TJP2: variants seen among roughly 807,000 people sequenced by gnomAD.
TJP2 encodes the protein tight junction protein 2.
TJP2 carries 91 observed loss-of-function variants against 133.1 expected under a neutral mutation model. That is an observed-to-expected ratio of 0.68 (90% CI 0.58 to 0.81). TJP2 has a LOEUF of 0.81. TJP2 is among the 40% of genes least tolerant of loss of function. TJP2 has a pLI of 0.00. For missense variants in TJP2, 1,541 were observed against 1,565.6 expected (o/e 0.98, Z 0.26); for synonymous variants, 592 against 583.4 (o/e 1.01, Z -0.21).
chr9:69,185,911 G>A (rs1305529641), intron 1 of TJP2, among the ~76,000 whole-genome samples: 4 of 146,926 alleles, frequency 2.7e-5, no homozygotes, highest in African/African-American at 7.6e-5. Context: ...TTTTGGAGAC[G>A]GAGTCTCGGT....
At chr9:69,188,424 AT>A (rs531838922) in intron 1 of TJP2, among the ~76,000 whole-genome samples, 39 of 152,310 alleles carry the variant, frequency 2.6e-4, no homozygotes, top group African/African-American at 8.7e-4. Context: ...GCCAAGGTCC[AT>A]TTGATGAATT....
chr9:69,152,811 G>A (rs1328896217), intron 2 of TJP2, among the ~76,000 whole-genome samples: 2 of 129,536 alleles, frequency 1.5e-5, no homozygotes, highest in Non-Finnish European at 3.3e-5. Context: ...TGTTCTCTCT[G>A]GAGCTCTTTT....
chr9:69,137,396 C>T (rs1793180993), intron 1 of TJP2, among the ~76,000 whole-genome samples: 1 of 147,416 alleles, frequency 6.8e-6, no homozygotes, highest in Non-Finnish European at 1.5e-5. Context: ...GTGGTGTGAT[C>T]ACAGCTCACT....
At chr9:69,143,634 G>C (rs989022951) in intron 1 of TJP2, among the ~76,000 whole-genome samples, 4 of 152,212 alleles carry the variant, frequency 2.6e-5, no homozygotes, top group African/African-American at 9.6e-5. Context: ...AAGACCAAAT[G>C]CTTTAGCCCT....
At chr9:69,214,981 C>A (rs1428263602) in intron 2 of TJP2, among the ~76,000 whole-genome samples, 1 of 152,060 alleles carries the variant, frequency 6.6e-6, no homozygotes, top group Non-Finnish European at 1.5e-5. Flanking sequence ...TAATTTTAGG[C>A]AGACATAAGA....
At chr9:69,221,615 G>A (rs894933764) in intron 5 of TJP2, 119 bp downstream of exon 5, 64 of 1,362,098 alleles carry the variant, frequency 4.7e-5, no homozygotes, top group Middle Eastern at 3.8e-4. Context: ...GGGAAGTGGC[G>A]TGATCTCGGC....
rs61050894 is a variant in TJP2, at chr9:69,157,411, A to T, written c.-10+5640A>T. ...GGTGGCTTAAACAGAAATTAACATA[A>T]ATTATTGTCTCATGGTTCTAGAGGC... On this transcript the variant is annotated intron_variant, in intron 2 of 5. Transcript: ENST00000423935. Among the ~76,000 whole-genome samples, 1,076 of 152,156 alleles carry T rather than the reference A, an allele frequency of 7.1e-3. 20 individuals carry two copies. Among genetic ancestry groups the T allele is most frequent in the African/African-American group, 0.025 (1,025 of 41,504 alleles).
At chr9:69,122,935 C>T (rs114863213) in intron 1 of TJP2, among the ~76,000 whole-genome samples, 1 of 152,160 alleles carries the variant, frequency 6.6e-6, no homozygotes, top group Non-Finnish European at 1.5e-5. Context: ...ATTCTAGTTG[C>T]TGATAGGGTG....
chr9:69,246,665 G>C, intron 17 of TJP2, 25 bp from the exon 18 acceptor site: 1 of 1,593,296 alleles, frequency 6.3e-7, no homozygotes, highest in African/African-American at 1.3e-5. Flanking sequence ...AATTAATGCA[G>C]ACCTTTTTGT....
rs1384514798 is a variant in TJP2 at position 69,248,199 on chromosome 9, C to G, written c.2855C>G (p.Ser952Cys). 1.9e-6 allele frequency: 3 copies of G among 1,608,310 alleles called. No homozygotes were observed. Among genetic ancestry groups the G allele is most frequent in the Non-Finnish European group, 2.5e-6 (3 of 1,177,008 alleles). Residue 952 changes from serine (S) to cysteine (C), a missense_variant, in exon 19 of 23, where the codon TCC (serine) becomes TGC (cysteine). Coordinates refer to ENST00000377245, the MANE Select transcript of TJP2 (RefSeq NM_004817.4). ...EEPLVSSITR[S>C]SEPVQHEESI... ...CCGCTGGTGTCGTCCATCACCCGCTCCTCGGAGCCGGTGCAGCACGAGGAG... is the reference window on the plus strand; with the variant it reads ...CCGCTGGTGTCGTCCATCACCCGCTGCTCGGAGCCGGTGCAGCACGAGGAG...
intron 1 of TJP2, among the ~76,000 whole-genome samples, chr9:69,183,853 G>A (rs1825676996): frequency 6.6e-6 from 1 of 152,160 alleles, no homozygotes; most frequent in African/African-American, 2.4e-5. Context: ...TCCTGCTTCA[G>A]CCTCCCAAGT....
chr9:69,147,686 A>AAT lies in TJP2; in HGVS notation c.-130-3963_-130-3962dup, dbSNP rs748725918. ...ACTAGCAATTGGAATAAGTACCCTA[A>AAT]ATAGACCTAAATAGATCTCTGCTTC... On this transcript the variant is annotated intron_variant, in intron 1 of 5. Transcript: ENST00000423935. Among the ~76,000 whole-genome samples, 28 of 152,294 alleles carry AAT rather than the reference A, an allele frequency of 1.8e-4. No individual in the cohort carries two copies. In the East Asian group the frequency reaches 2.5e-3, roughly 14 times the overall value.
At chr9:69,199,632 T>C (rs1227577605) in intron 1 of TJP2, among the ~76,000 whole-genome samples, 3 of 152,214 alleles carry the variant, frequency 2.0e-5, no homozygotes, top group African/African-American at 7.2e-5. Flanking sequence ...TCCCGAAGTT[T>C]CACATCTGCT....
chr9:69,240,200 T>C, intron 17 of TJP2, 53 bp downstream of exon 17: 1 of 1,477,198 alleles, frequency 6.8e-7, no homozygotes, highest in Non-Finnish European at 9.3e-7. Context: ...AATAAAGAAT[T>C]GAAGAGTAGA....
chr9:69,193,649 G>A (rs2133077171), intron 1 of TJP2, among the ~76,000 whole-genome samples: 1 of 129,268 alleles, frequency 7.7e-6, no homozygotes, highest in African/African-American at 2.9e-5. Context: ...TCTAAGTTTA[G>A]AAACAAGGCT....
chr9:69,187,280 G>T (rs940718391), intron 1 of TJP2, among the ~76,000 whole-genome samples: 7 of 152,248 alleles, frequency 4.6e-5, no homozygotes, highest in African/African-American at 1.7e-4. Flanking sequence ...AGTGTGATTG[G>T]ATGATTAAAT....
At position 69,240,871 on chromosome 9, in the gene TJP2, T is replaced by G. The variant is rs1341908578; in HGVS notation, c.2566+724T>G. On this transcript the variant is annotated intron_variant, in intron 17 of 22. Coordinates refer to ENST00000377245, the MANE Select transcript of TJP2 (RefSeq NM_004817.4). ...TTGGATGATTTAAAGATTTATTATT[T>G]CTCTTTGTTAGGTGTGATAATAATA... Among the ~76,000 whole-genome samples, 3 of 152,026 alleles carry G rather than the reference T, an allele frequency of 2.0e-5. No homozygotes were observed. In the South Asian group the frequency reaches 6.2e-4, roughly 32 times the overall value.
intron 19 of TJP2, 122 bp downstream of exon 19, chr9:69,248,346 C>G: frequency 6.9e-7 from 1 of 1,453,556 alleles, no homozygotes; most frequent in Non-Finnish European, 9.1e-7. Flanking sequence ...CAGATGACTT[C>G]CAGGGAGTCT....
chr9:69,127,704 A>C (rs1268378550), intron 1 of TJP2, among the ~76,000 whole-genome samples: 1 of 75,474 alleles, frequency 1.3e-5, no homozygotes. Context: ...AGATTAGCCT[A>C]TTCTGAACAT....
Sources: gnomAD v4.1 joint callset for allele counts (sites outside exome capture counted in the v4.1 genomes callset) on GRCh38, gnomAD v4.1.1 for gene constraint, MANE v1.5 for transcripts, NCBI Gene and HGNC (gene_info 2026-07-23, HGNC 2026-07-21) for gene names.